Variants in FOSL2 observed in about 807,000 individuals in gnomAD.
FOSL2 encodes the protein fos-related antigen 2.
Under a neutral mutation model 27.7 loss-of-function variants are expected in FOSL2, and 3 were observed. That is an observed-to-expected ratio of 0.11 (90% CI 0.05 to 0.28). The LOEUF is 0.28. Among genes scored for constraint, FOSL2 ranks in the 10% least tolerant of loss-of-function variants. The pLI, the probability that FOSL2 is intolerant of heterozygous loss-of-function variation, is 1.00. For missense variants in FOSL2, 333 were observed against 445.1 expected, an observed-to-expected ratio of 0.75 and a Z score of 2.27; for synonymous variants, 179 against 190.1, an observed-to-expected ratio of 0.94 and a Z score of 0.48.
At chr2:28,407,713 T>G (rs181999480) in intron 2 of FOSL2, among the ~76,000 whole-genome samples, 2 of 152,380 alleles carry the variant, frequency 1.3e-5, no homozygotes, top group East Asian at 3.9e-4. Flanking sequence ...AGTCAACGTC[T>G]GATAACTGAA....
chr2:28,397,682 AAC>A (rs1276777990), intron 1 of FOSL2, among the ~76,000 whole-genome samples: 1 of 152,160 alleles, frequency 6.6e-6, no homozygotes, highest in Non-Finnish European at 1.5e-5. Flanking sequence ...TCTTAATACA[AAC>A]ACAGCAGAAC....
intron 2 of FOSL2, among the ~76,000 whole-genome samples, chr2:28,406,146 C>G (rs1474052173): frequency 6.6e-6 from 1 of 151,656 alleles, no homozygotes; most frequent in African/African-American, 2.4e-5. Flanking sequence ...ACCTCCTCCA[C>G]CTCCGCGGTT....
At chr2:28,409,802 A>G (rs957590503) in intron 3 of FOSL2, among the ~76,000 whole-genome samples, 1 of 152,070 alleles carries the variant, frequency 6.6e-6, no homozygotes, top group Non-Finnish European at 1.5e-5. Flanking sequence ...GTGCAGTGGG[A>G]CGATCTCAGC....
At chr2:28,394,048 A>G (rs763865654) in intron 1 of FOSL2, among the ~76,000 whole-genome samples, 1 of 135,606 alleles carries the variant, frequency 7.4e-6, no homozygotes, top group Non-Finnish European at 1.5e-5. Flanking sequence ...CTCACGTTAT[A>G]TTTTACCCAG....
chr2:28,402,271 C>T (rs1663988817), intron 1 of FOSL2, among the ~76,000 whole-genome samples: 1 of 152,252 alleles, frequency 6.6e-6, no homozygotes, highest in South Asian at 2.1e-4. Flanking sequence ...CACTGGGTAA[C>T]TTTCCTCCAG....
At chr2:28,405,431 T>C (rs1250503691) in intron 2 of FOSL2, among the ~76,000 whole-genome samples, 3 of 152,204 alleles carry the variant, frequency 2.0e-5, no homozygotes, top group Non-Finnish European at 2.9e-5. Flanking sequence ...AAATGAATTG[T>C]TATCCTGGGA....
In FOSL2 at chr2:28,408,078, C is replaced by T. The variant is rs1664120639; in HGVS notation, c.355-681C>T. ...TTTTACCTGCTGGGGGCTCCTCTTC[C>T]TTTTGCATGTCCTGTCCAACTTAGC... On this transcript the variant is annotated intron_variant, in intron 2 of 3. Transcript: ENST00000264716. The surrounding 1 kb of genome is among the most constrained non-coding windows in gnomAD (Gnocchi z 4.1). 6.6e-6 allele frequency among the ~76,000 whole-genome samples: 1 copy of T among 152,188 alleles called. No homozygotes were observed. Among genetic ancestry groups the T allele is most frequent in the South Asian group, 2.1e-4 (1 of 4,838 alleles).
chr2:28,393,557 C>T lies in FOSL2; in HGVS notation c.-164C>T. 1.7e-6 allele frequency: 1 copy of T among 583,712 alleles called. No homozygotes were observed. The highest frequency in any genetic ancestry group is 3.2e-5 in the East Asian group (1 of 30,936). The allele number at this position is 583,712 out of a possible 1,614,324, so 36.2% of individuals were successfully genotyped here. A position where few individuals can be genotyped will look rare whatever the true frequency, so the allele number is the denominator to read the frequency against. ...GGACGCTGTTCCTGAGGTGTCGCCG[C>T]CTCCCTGTCCTCGCCCTCCGCGGTG... On this transcript the variant is annotated 5_prime_UTR_variant, in exon 1 of 4. Transcript: ENST00000264716. The surrounding 1 kb of genome is among the most constrained non-coding windows in gnomAD (Gnocchi z 4.6).
In FOSL2 at chr2:28,412,085, G is replaced by A. The variant is rs2148100146; in HGVS notation, c.618G>A (p.Leu206=). Reference sequence around the variant, plus strand: ...GCCGATCGCCCCCAGCCCCTGGGCTGCAGCCCATGCGCAGTGGGGGTGGCT... The same window carrying A: ...GCCGATCGCCCCCAGCCCCTGGGCTACAGCCCATGCGCAGTGGGGGTGGCT... The part of the protein sequence containing the change: ...EERRSPPAPG[L]QPMRSGGGSV... The change falls in exon 4 of 4, where the codon CTG becomes CTA. Residue 206 remains leucine, a synonymous_variant. Coordinates refer to ENST00000264716, the MANE Select transcript of FOSL2 (RefSeq NM_005253.4). This position sits in a 1 kb window ranked among gnomAD's most constrained non-coding sequence, Gnocchi z 7.1. 6.2e-7 allele frequency: 1 copy of A among 1,606,738 alleles called. No individual in the cohort carries two copies.
chr2:28,393,859 G>T lies in FOSL2; in HGVS notation c.102+37G>T, dbSNP rs1292901943. The T allele has an allele frequency of 1.8e-5, 26 of 1,440,366 alleles. No individual in the cohort carries two copies. The highest frequency in any genetic ancestry group is 2.4e-5 in the Non-Finnish European group (25 of 1,046,000). 89.2% of individuals were successfully genotyped at this position (1,440,366 alleles called of 1,614,324 possible). ...CCCCGGTGCACCTGGCGGCGCGGGC[G>T]GACCCCTGCCCTCTTCTCGCCGCCA... On this transcript the variant is annotated intron_variant, in intron 1 of 3. Coordinates refer to ENST00000264716, the MANE Select transcript of FOSL2 (RefSeq NM_005253.4). This position sits in a 1 kb window ranked among gnomAD's most constrained non-coding sequence, Gnocchi z 4.6.
At chr2:28,401,253 A>AG (rs56230839) in intron 1 of FOSL2, among the ~76,000 whole-genome samples, 2 of 150,718 alleles carry the variant, frequency 1.3e-5, no homozygotes, top group African/African-American at 2.4e-5. Flanking sequence ...AAAAAAAAAA[A>AG]GCTTATCAGA....
rs1203861838 is a variant in FOSL2 at position 28,402,089 on chromosome 2, C to A, written c.103-2018C>A. On this transcript the variant is annotated intron_variant, in intron 1 of 3. Transcript: ENST00000264716. ...CCCATTGCTCTGTGCAGCTCTCCTC[C>A]CGAATCCCAGAATGCATTGTGCTGG... Among the ~76,000 whole-genome samples, 3 of 152,094 alleles carry A rather than the reference C, an allele frequency of 2.0e-5. No homozygotes were observed. The South Asian group carries it at 6.2e-4, about 31-fold the overall frequency.
intron 1 of FOSL2, among the ~76,000 whole-genome samples, chr2:28,399,850 A>G (rs1218530233): frequency 6.6e-6 from 1 of 152,108 alleles, no homozygotes; most frequent in African/African-American, 2.4e-5. Flanking sequence ...CTATTTGTTT[A>G]CATGTTATCT....
At chr2:28,402,762 A>G (rs917034608) in intron 1 of FOSL2, among the ~76,000 whole-genome samples, 2 of 152,198 alleles carry the variant, frequency 1.3e-5, no homozygotes, top group African/African-American at 2.4e-5. Context: ...AGGAGCTTGT[A>G]TACCACTGTG....
intron 1 of FOSL2, among the ~76,000 whole-genome samples, chr2:28,399,501 A>G (rs1465534688): frequency 6.6e-6 from 1 of 152,154 alleles, no homozygotes; most frequent in Non-Finnish European, 1.5e-5. Flanking sequence ...TCTCATTGGC[A>G]GTGGAAGGAG....
Position 28,408,622 on chromosome 2 carries a change from AG to A in FOSL2, c.355-136del. On this transcript the variant is annotated intron_variant, in intron 2 of 3. Coordinates refer to ENST00000264716, the MANE Select transcript of FOSL2 (RefSeq NM_005253.4). This position sits in a 1 kb window ranked among gnomAD's most constrained non-coding sequence, Gnocchi z 4.1. ...CACATGTTCTGGGGCCTCTGAGTCC[AG>A]CCATGCTCCTCTTGCCCTTCCTTCT... 1.7e-6 allele frequency: 1 copy of A among 601,632 alleles called. No homozygotes were observed. The highest frequency in any genetic ancestry group is 2.8e-6 in the Non-Finnish European group (1 of 357,268). The allele number at this position is 601,632 out of a possible 1,614,324, so 37.3% of individuals were successfully genotyped here. A position where few individuals can be genotyped will look rare whatever the true frequency, so the allele number is the denominator to read the frequency against.
At position 28,404,463 on chromosome 2, in the gene FOSL2, G is replaced by T; in HGVS notation, c.354+105G>T. The T allele has an allele frequency of 7.3e-7, 1 of 1,368,320 alleles. No individual in the cohort carries two copies. The highest frequency in any genetic ancestry group is 1.4e-5 in the South Asian group (1 of 72,080). 84.8% of individuals were successfully genotyped at this position (1,368,320 alleles called of 1,614,324 possible). A position where few individuals can be genotyped will look rare whatever the true frequency, so the allele number is the denominator to read the frequency against. On this transcript the variant is annotated intron_variant, in intron 2 of 3. Transcript: ENST00000264716. The surrounding 1 kb of genome is among the most constrained non-coding windows in gnomAD (Gnocchi z 4.7). The stretch of plus-strand genomic sequence containing the variant: ...GGGAGGGTTAATGTTCTGAGAGCAG[G>T]GGAGACAAGGGAGCTAGGGGTCGAA...
chr2:28,393,800 C>CCAGCGG lies in FOSL2; in HGVS notation c.82_87dup (p.Ser28_Gly29dup). On this transcript the variant is annotated inframe_insertion, in exon 1 of 4. Transcript: ENST00000264716. This position sits in a 1 kb window ranked among gnomAD's most constrained non-coding sequence, Gnocchi z 4.6. ...TCTCCTGCGCACGCCGAGTCCTACT[C>CCAGCGG]CAGCGGCGGCGGCGGCCAGCAGGTA... is the stretch of plus-strand genomic sequence containing the variant. 1 of 1,601,690 alleles carries CCAGCGG rather than the reference C, an allele frequency of 6.2e-7. No homozygotes were observed. The highest frequency in any genetic ancestry group is 1.1e-5 in the South Asian group (1 of 89,514).
chr2:28,398,112 A>G (rs1375814359), intron 1 of FOSL2, among the ~76,000 whole-genome samples: 1 of 152,224 alleles, frequency 6.6e-6, no homozygotes, highest in Non-Finnish European at 1.5e-5. Flanking sequence ...GGTTGTGAGA[A>G]TTAAGGAGAC....
Sources: allele counts gnomAD v4.1 joint callset (sites outside exome capture counted in the v4.1 genomes callset), GRCh38; gene constraint gnomAD v4.1.1; non-coding constraint Gnocchi (gnomAD v3.1); transcripts MANE v1.5; gene names NCBI Gene and HGNC (gene_info 2026-07-23, HGNC 2026-07-21).